Variants in C19orf81 observed in about 807,000 individuals in gnomAD.
C19orf81 encodes the protein chromosome 19 open reading frame 81, also known as putative uncharacterized protein C19orf81.
C19orf81 carries 19 observed loss-of-function variants against 22.1 expected under a neutral mutation model. The ratio of observed to expected loss-of-function variants is 0.86; its 90% CI spans 0.60 to 1.26. C19orf81 has a LOEUF of 1.26. Among genes scored for constraint, C19orf81 ranks in the 50% most tolerant of loss-of-function variants. The pLI is 0.00. For missense variants in C19orf81, 287 were observed against 280.7 expected (o/e 1.02, Z -0.16); for synonymous variants, 108 against 113.1 (o/e 0.95, Z 0.29).
At position 50,658,136 on chromosome 19, in the gene C19orf81, A is replaced by C; in HGVS notation, c.401+8A>C. 1 of 1,530,356 alleles carries C rather than the reference A, an allele frequency of 6.5e-7. No homozygotes were observed. Among genetic ancestry groups the C allele is most frequent in the Non-Finnish European group, 8.7e-7 (1 of 1,144,230 alleles). 94.8% of individuals were successfully genotyped at this position (1,530,356 alleles called of 1,614,324 possible). ...TGCTGGGCGCCGGAACCGGTGAGTA[A>C]GCGGCGGGGGCGGGGCCTGGAGCGA... On this transcript the variant is annotated splice_region_variant and intron_variant, in intron 4 of 4. Coordinates refer to ENST00000425202, the MANE Select transcript of C19orf81 (RefSeq NM_001195076.2).
At chr19:50,651,260 T>C (rs773328971) in intron 1 of C19orf81, among the ~76,000 whole-genome samples, 1 of 152,164 alleles carries the variant, frequency 6.6e-6, no homozygotes, top group Non-Finnish European at 1.5e-5. Flanking sequence ...TTCTTGCAGG[T>C]GACTCTCTTC....
chr19:50,658,397 C>A, intron 4 of C19orf81: 1 of 410,970 alleles, frequency 2.4e-6, no homozygotes, highest in Non-Finnish European at 4.4e-6. Flanking sequence ...GGGGCGGGGC[C>A]AGGAGGGACT....
intron 4 of C19orf81, 33 bp from the exon 5 acceptor site, chr19:50,658,914 C>G: frequency 7.1e-7 from 1 of 1,406,726 alleles, no homozygotes. Context: ...AAACGACCTG[C>G]GAGTTCCTTT....
intron 1 of C19orf81, among the ~76,000 whole-genome samples, chr19:50,653,723 CACACACACA>C (rs1984929955): frequency 6.8e-6 from 1 of 146,494 alleles, no homozygotes; most frequent in Non-Finnish European, 1.5e-5. Flanking sequence ...CACACACACA[CACACACACA>C]CACACACACG....
intron 3 of C19orf81, 96 bp from the exon 4 acceptor site, chr19:50,657,893 G>A (rs1051220640): frequency 2.8e-6 from 4 of 1,415,580 alleles, no homozygotes; most frequent in Non-Finnish European, 3.7e-6. Context: ...CTGGAACTCT[G>A]TGGCAGGTTC....
At chr19:50,656,682 T>A (rs1985000686) in intron 3 of C19orf81, among the ~76,000 whole-genome samples, 1 of 152,112 alleles carries the variant, frequency 6.6e-6, no homozygotes, top group South Asian at 2.1e-4. Flanking sequence ...TCGGGTGCGG[T>A]GGCTCACGCC....
chr19:50,649,647 CACCA>C, intron 1 of C19orf81, 136 bp downstream of exon 1: 3 of 1,008,580 alleles, frequency 3.0e-6, no homozygotes, highest in African/African-American at 1.6e-5. Context: ...TTCCTGGATT[CACCA>C]GATTCCTGGA....
intron 1 of C19orf81, among the ~76,000 whole-genome samples, 195 bp from the exon 2 acceptor site, chr19:50,655,855 G>T (rs1487517821): frequency 6.6e-6 from 1 of 152,226 alleles, no homozygotes; most frequent in Non-Finnish European, 1.5e-5. Context: ...GAGAAATGTG[G>T]TTAGTAGAGT....
chr19:50,650,805 G>A (rs772035354), intron 1 of C19orf81, among the ~76,000 whole-genome samples: 4 of 152,352 alleles, frequency 2.6e-5, no homozygotes, highest in Admixed American at 6.5e-5. Flanking sequence ...CAAAACAGGC[G>A]TTGTTTCTCT....
At chr19:50,658,214 G>T (rs996271698) in intron 4 of C19orf81, 86 bp downstream of exon 4, 2 of 1,352,058 alleles carry the variant, frequency 1.5e-6, no homozygotes, top group Non-Finnish European at 2.0e-6. Flanking sequence ...TGGTTTTAGA[G>T]CGCTGAGGGA....
rs369352966 is a variant in C19orf81, at chr19:50,659,155, C to G, written c.*13C>G. 2 of 1,308,610 alleles carry G rather than the reference C, an allele frequency of 1.5e-6. No homozygotes were observed. Among genetic ancestry groups the G allele is most frequent in the East Asian group, 3.1e-5 (1 of 31,994 alleles). 81.1% of individuals were successfully genotyped at this position (1,308,610 alleles called of 1,614,324 possible). On this transcript the variant is annotated 3_prime_UTR_variant, in exon 5 of 5. Transcript: ENST00000425202. ...CGAGGAGGCCTGACGCCCGGGCGGG[C>G]CCCGGCAGCGCTTGCGCACCGCCCC...
intron 1 of C19orf81, among the ~76,000 whole-genome samples, chr19:50,652,610 G>A (rs1023877091): frequency 9.9e-5 from 15 of 152,158 alleles, no homozygotes; most frequent in Non-Finnish European, 1.9e-4. Context: ...ACTGCAGCAG[G>A]TGAAAAGGAC....
chr19:50,651,759 A>G (rs1030146885), intron 1 of C19orf81, among the ~76,000 whole-genome samples: 15 of 152,054 alleles, frequency 9.9e-5, no homozygotes, highest in Admixed American at 9.2e-4. Context: ...TTCAATAAGT[A>G]CTTATTTTTA....
chr19:50,659,149 G>A lies in C19orf81; in HGVS notation c.*7G>A, dbSNP rs1309652640. 2 of 1,315,288 alleles carry A rather than the reference G, an allele frequency of 1.5e-6. No individual in the cohort carries two copies. Among genetic ancestry groups the A allele is most frequent in the East Asian group, 3.1e-5 (1 of 32,076 alleles). 81.5% of individuals were successfully genotyped at this position (1,315,288 alleles called of 1,614,324 possible). On this transcript the variant is annotated 3_prime_UTR_variant, in exon 5 of 5. Coordinates refer to ENST00000425202, the MANE Select transcript of C19orf81 (RefSeq NM_001195076.2). ...GCCGAACGAGGAGGCCTGACGCCCG[G>A]GCGGGCCCCGGCAGCGCTTGCGCAC... is the stretch of plus-strand genomic sequence containing the variant.
chr19:50,653,860 C>G (rs1395941325), intron 1 of C19orf81, among the ~76,000 whole-genome samples: 1 of 151,870 alleles, frequency 6.6e-6, no homozygotes, highest in Admixed American at 6.6e-5. Flanking sequence ...TGATGGAAAG[C>G]ACAGGCAAGC....
At position 50,658,137 on chromosome 19, in the gene C19orf81, G is replaced by A; in HGVS notation, c.401+9G>A. ...GCTGGGCGCCGGAACCGGTGAGTAA[G>A]CGGCGGGGGCGGGGCCTGGAGCGAG... On this transcript the variant is annotated intron_variant, in intron 4 of 4. Coordinates refer to ENST00000425202, the MANE Select transcript of C19orf81 (RefSeq NM_001195076.2). The A allele has an allele frequency of 6.5e-7, 1 of 1,531,530 alleles. No individual in the cohort carries two copies. The highest frequency in any genetic ancestry group is 1.2e-5 in the South Asian group (1 of 83,476). The allele number at this position is 1,531,530 out of a possible 1,614,324, so 94.9% of individuals were successfully genotyped here.
intron 1 of C19orf81, among the ~76,000 whole-genome samples, chr19:50,655,416 C>T (rs553608132): frequency 4.7e-4 from 72 of 152,150 alleles, no homozygotes; most frequent in African/African-American, 1.3e-3. Context: ...TTTGGGAGGA[C>T]GAGGCAGGAG....
Position 50,659,000 on chromosome 19 carries a change from G to A in C19orf81, c.455G>A (p.Gly152Glu). ...ACGCGCTCGCGCTTGCTGCGCTCCG[G>A]GCTCAGTCCCCGCGGGCTTGCGCAC... Reference protein sequence around the residue: ...FQTRSRLLRSGLSPRGLAHQI... With the variant: ...FQTRSRLLRSELSPRGLAHQI... Residue 152 changes from glycine (G) to glutamate (E), a missense_variant, in exon 5 of 5, where the codon GGG becomes GAG. Transcript: ENST00000425202. 6.5e-7 allele frequency: 1 copy of A among 1,527,326 alleles called. No homozygotes were observed. Among genetic ancestry groups the A allele is most frequent in the Non-Finnish European group, 8.8e-7 (1 of 1,141,806 alleles). The allele number at this position is 1,527,326 out of a possible 1,614,324, so 94.6% of individuals were successfully genotyped here.
intron 1 of C19orf81, among the ~76,000 whole-genome samples, chr19:50,652,597 T>C (rs1019954459): frequency 6.6e-6 from 1 of 152,180 alleles, no homozygotes; most frequent in Non-Finnish European, 1.5e-5. Context: ...ACAGCGTTTT[T>C]GGACTGCAGC....
Sources: gnomAD v4.1 joint callset for allele counts (sites outside exome capture counted in the v4.1 genomes callset) on GRCh38, gnomAD v4.1.1 for gene constraint, MANE v1.5 for transcripts, NCBI Gene and HGNC (gene_info 2026-07-23, HGNC 2026-07-21) for gene names.